SLC12A7: variants seen among roughly 807,000 people sequenced by gnomAD.
The protein encoded by SLC12A7 is solute carrier family 12 member 7.
A neutral mutation model predicts 120.6 loss-of-function variants in SLC12A7; 100 were observed. The ratio of observed to expected loss-of-function variants is 0.83; its 90% CI spans 0.71 to 0.98. SLC12A7 has a LOEUF of 0.98. SLC12A7 is among the 50% of genes least tolerant of loss of function. The pLI is 0.00. For synonymous variants in SLC12A7, 760 were observed against 678.0 expected (o/e 1.12, Z -1.88); for missense variants, 1,373 against 1,548.1 (o/e 0.89, Z 1.90).
chr5:1,081,377 GCCGGGCGTGGTA>G (rs1490515528), intron 9 of SLC12A7, among the ~76,000 whole-genome samples, 188 bp downstream of exon 9: 2 of 149,504 alleles, frequency 1.3e-5, no homozygotes, highest in Admixed American at 6.6e-5. Context: ...ACAGATATTA[GCCGGGCGTGGTA>G]CTGGGTGCCT....
chr5:1,090,226 G>C (rs1561087209), intron 3 of SLC12A7, among the ~76,000 whole-genome samples: 1 of 152,210 alleles, frequency 6.6e-6, no homozygotes, highest in Admixed American at 6.5e-5. Flanking sequence ...TCACCGTGCC[G>C]GAACGCCTCC....
At position 1,063,871 on chromosome 5, in the gene SLC12A7, G is replaced by C. The variant is rs564045006; in HGVS notation, c.2712C>G (p.Ile904Met). The C allele has an allele frequency of 9.9e-6, 16 of 1,608,604 alleles. No homozygotes were observed. The South Asian group carries it at 1.7e-4, about 17-fold the overall frequency. ...TCTCCACCACCTCCACCTCGGCGCTGATGCGCAAGTGGTACAAGAACATCT... is the reference window on the plus strand; with the variant it reads ...TCTCCACCACCTCCACCTCGGCGCTCATGCGCAAGTGGTACAAGAACATCT... ...DLQMFLYHLRISAEVEVVEMV... is the reference protein window; with the variant it reads ...DLQMFLYHLRMSAEVEVVEMV... Residue 904 changes from isoleucine to methionine, a missense_variant, in exon 20 of 24, where the codon ATC becomes ATG. Coordinates refer to ENST00000264930, the MANE Select transcript of SLC12A7 (RefSeq NM_006598.3).
At chr5:1,098,011 C>T (rs1271140052) in intron 1 of SLC12A7, among the ~76,000 whole-genome samples, 1 of 151,950 alleles carries the variant, frequency 6.6e-6, no homozygotes, top group Non-Finnish European at 1.5e-5. Flanking sequence ...ACGTCATGGG[C>T]TCAATGCCAT....
chr5:1,069,347 C>T (rs1029893804), intron 17 of SLC12A7, among the ~76,000 whole-genome samples: 13 of 152,248 alleles, frequency 8.5e-5, no homozygotes, highest in South Asian at 2.1e-4. Flanking sequence ...GGCTGACCGG[C>T]CCAGACCTGG....
intron 8 of SLC12A7, among the ~76,000 whole-genome samples, chr5:1,083,415 G>A (rs1374372385): frequency 6.6e-6 from 1 of 152,218 alleles, no homozygotes; most frequent in Non-Finnish European, 1.5e-5. Context: ...CACAGAGGGG[G>A]AAGTTACCGC....
chr5:1,091,076 G>A (rs774989425), intron 3 of SLC12A7, among the ~76,000 whole-genome samples: 5 of 152,158 alleles, frequency 3.3e-5, no homozygotes, highest in African/African-American at 9.6e-5. Context: ...CTGGGGTCAC[G>A]GGCCCTGGTC....
intron 6 of SLC12A7, 23 bp from the exon 7 acceptor site, chr5:1,085,496 G>C (rs1739744269): frequency 6.4e-7 from 1 of 1,573,494 alleles, no homozygotes; most frequent in Non-Finnish European, 8.6e-7. Flanking sequence ...GGCCGGTCGG[G>C]AGGCCGTCCC....
rs368817716 is a variant in SLC12A7 at position 1,083,996 on chromosome 5, G to A, written c.918-40C>T. 51 of 1,572,082 alleles carry A rather than the reference G, an allele frequency of 3.2e-5. No individual in the cohort carries two copies. In the East Asian group the frequency reaches 4.7e-4, roughly 15 times the overall value. On this transcript the variant is annotated intron_variant, in intron 7 of 23. Transcript: ENST00000264930. Reference sequence around the variant, plus strand: ...GAGGCACGGCACGTGTGCTGCCACCGAAGTGGCTTTTACTGCCCCACCCAG... The same window carrying A: ...GAGGCACGGCACGTGTGCTGCCACCAAAGTGGCTTTTACTGCCCCACCCAG...
At chr5:1,067,067 A>G (rs918006325) in intron 17 of SLC12A7, among the ~76,000 whole-genome samples, 1 of 151,776 alleles carries the variant, frequency 6.6e-6, no homozygotes, top group African/African-American at 2.4e-5. Flanking sequence ...CACACACAAA[A>G]CAACATCCAA....
chr5:1,105,578 G>A (rs1742459205), intron 1 of SLC12A7, among the ~76,000 whole-genome samples: 1 of 152,244 alleles, frequency 6.6e-6, no homozygotes, highest in South Asian at 2.1e-4. Flanking sequence ...GCAGCTCATC[G>A]TTCAGGAGCT....
At chr5:1,069,428 C>G (rs1737408941) in intron 17 of SLC12A7, among the ~76,000 whole-genome samples, 1 of 152,188 alleles carries the variant, frequency 6.6e-6, no homozygotes, top group African/African-American at 2.4e-5. Context: ...GCTGCAGATG[C>G]CTGGACACAC....
intron 12 of SLC12A7, among the ~76,000 whole-genome samples, chr5:1,077,327 C>T (rs1200179697): frequency 6.6e-6 from 1 of 152,226 alleles, no homozygotes; most frequent in Non-Finnish European, 1.5e-5. Context: ...CATCCACGAC[C>T]TTCCCACAGC....
intron 20 of SLC12A7, among the ~76,000 whole-genome samples, chr5:1,062,016 C>G (rs969594151): frequency 3.3e-5 from 5 of 152,220 alleles, no homozygotes; most frequent in Non-Finnish European, 7.3e-5. Context: ...TGGCACTTGT[C>G]CCTGCGGCCA....
chr5:1,115,840 C>CG (rs1482143364), upstream of SLC12A7, among the ~76,000 whole-genome samples: 1 of 128,242 alleles, frequency 7.8e-6, no homozygotes, highest in Non-Finnish European at 1.5e-5. Flanking sequence ...GAAGGAGAAT[C>CG]GGGGGAAGGG....
chr5:1,099,981 C>T (rs1423737216), intron 1 of SLC12A7, among the ~76,000 whole-genome samples: 7 of 152,154 alleles, frequency 4.6e-5, no homozygotes, highest in African/African-American at 7.2e-5. Context: ...CTGAAAAAAG[C>T]GACTCATAAG....
At chr5:1,086,088 C>T (rs1384816587) in intron 6 of SLC12A7, among the ~76,000 whole-genome samples, 3 of 152,094 alleles carry the variant, frequency 2.0e-5, no homozygotes, top group Non-Finnish European at 2.9e-5. Flanking sequence ...CCTGGGAGTG[C>T]GGCAGCCACG....
At chr5:1,110,692 G>A (rs1038737470) in intron 1 of SLC12A7, among the ~76,000 whole-genome samples, 2 of 152,180 alleles carry the variant, frequency 1.3e-5, no homozygotes, top group Non-Finnish European at 2.9e-5. Flanking sequence ...TGGAGAGAAG[G>A]GGCTTGGACT....
chr5:1,152,129 T>A, the SLC12A7 span, among the ~76,000 whole-genome samples: 1 of 151,748 alleles, frequency 6.6e-6, no homozygotes, highest in Admixed American at 6.6e-5. Context: ...CCCTCCCCTC[T>A]CCTTTGCTTT....
intron 14 of SLC12A7, chr5:1,075,786 G>A: frequency 2.0e-6 from 1 of 496,806 alleles, no homozygotes; most frequent in Non-Finnish European, 3.5e-6. Context: ...CCCAGCGCCT[G>A]ATTCCTGGGG....
Sources: allele counts gnomAD v4.1 joint callset (sites outside exome capture counted in the v4.1 genomes callset), GRCh38; gene constraint gnomAD v4.1.1; transcripts MANE v1.5; gene names NCBI Gene and HGNC (gene_info 2026-07-23, HGNC 2026-07-21).